SHISA6: variants seen among roughly 807,000 people sequenced by gnomAD.
SHISA6 encodes protein shisa-6.
A neutral mutation model predicts 47.9 loss-of-function variants in SHISA6; 22 were observed. That is an observed-to-expected ratio of 0.46 (90% CI 0.33 to 0.66). The LOEUF is 0.66. Ranked by LOEUF, SHISA6 falls within the 30% of genes least tolerant of loss-of-function variation. The pLI is 0.02. For synonymous variants in SHISA6, 388 were observed against 337.8 expected (o/e 1.15, Z -1.63); for missense variants, 680 against 764.6 (o/e 0.89, Z 1.30).
intron 2 of SHISA6, among the ~76,000 whole-genome samples, chr17:11,315,883 A>G (rs1910494461): frequency 6.6e-6 from 1 of 152,156 alleles, no homozygotes; most frequent in Admixed American, 6.5e-5. Context: ...ATTACAAGAC[A>G]TTTTATCATC....
At chr17:11,474,834 T>C (rs1916016655) in intron 3 of SHISA6, among the ~76,000 whole-genome samples, 1 of 152,188 alleles carries the variant, frequency 6.6e-6, no homozygotes, top group Non-Finnish European at 1.5e-5. Flanking sequence ...CATTTGCTTC[T>C]CCATATTGAC....
At chr17:11,272,705 C>T (rs1908725713) in intron 2 of SHISA6, among the ~76,000 whole-genome samples, 1 of 152,146 alleles carries the variant, frequency 6.6e-6, no homozygotes, top group Non-Finnish European at 1.5e-5. Context: ...TCAAGCTGTC[C>T]AGTAAGTACT....
At chr17:11,427,793 A>G (rs572212879) in intron 3 of SHISA6, among the ~76,000 whole-genome samples, 3 of 152,100 alleles carry the variant, frequency 2.0e-5, no homozygotes, top group Non-Finnish European at 4.4e-5. Flanking sequence ...ATGAATAGAA[A>G]AAAAAAAATT....
At chr17:11,537,292 A>G (rs1158497527) in intron 3 of SHISA6, among the ~76,000 whole-genome samples, 1 of 152,068 alleles carries the variant, frequency 6.6e-6, no homozygotes. Flanking sequence ...AAGAGAGTGG[A>G]CAGAAGCACA....
chr17:11,420,038 TA>T (rs1914407811), intron 3 of SHISA6, among the ~76,000 whole-genome samples: 1 of 152,132 alleles, frequency 6.6e-6, no homozygotes, highest in Non-Finnish European at 1.5e-5. Flanking sequence ...ACTCTGTCTC[TA>T]CTAAAAATAC....
Position 11,440,335 on chromosome 17 carries a change from G to C in SHISA6, c.895+60826G>C, listed in dbSNP as rs74719164. On this transcript the variant is annotated intron_variant, in intron 3 of 5. Transcript: ENST00000441885. ...GACTTTTAGAGTTTCTTGGAGAGTA[G>C]AGGGGATATAAAGGAAGTATAGAGG... is the stretch of plus-strand genomic sequence containing the variant. Among the ~76,000 whole-genome samples the C allele has an allele frequency of 7.8e-3, 1,193 of 152,190 alleles. 21 individuals are homozygous for C. The highest frequency in any genetic ancestry group is 0.025 in the African/African-American group (1,024 of 41,512).
intron 3 of SHISA6, among the ~76,000 whole-genome samples, chr17:11,427,485 C>T (rs1011047806): frequency 1.3e-5 from 2 of 152,110 alleles, no homozygotes; most frequent in African/African-American, 4.8e-5. Flanking sequence ...CACCTTCCAG[C>T]CTAAGCTTTA....
chr17:11,271,109 G>A (rs899724229), intron 2 of SHISA6, among the ~76,000 whole-genome samples: 1 of 152,106 alleles, frequency 6.6e-6, no homozygotes, highest in East Asian at 1.9e-4. Flanking sequence ...GGCGGGAAGG[G>A]TGTGAAACAG....
chr17:11,267,899 G>A lies in SHISA6; in HGVS notation c.799+4373G>A, dbSNP rs1315438270. On this transcript the variant is annotated intron_variant, in intron 2 of 5. Coordinates refer to ENST00000441885, the MANE Select transcript of SHISA6 (RefSeq NM_207386.4). ...AAAAAGATTGTTTAGGGGACCAAGCGAAGTCATGAAGAGATGCACCGTACC... is the reference window on the plus strand; with the variant it reads ...AAAAAGATTGTTTAGGGGACCAAGCAAAGTCATGAAGAGATGCACCGTACC... 5.9e-5 allele frequency among the ~76,000 whole-genome samples: 9 copies of A among 152,152 alleles called. No homozygotes were observed. In the South Asian group the frequency reaches 8.3e-4, roughly 14 times the overall value.
intron 2 of SHISA6, among the ~76,000 whole-genome samples, chr17:11,291,652 A>G (rs1178035430): frequency 4.6e-5 from 7 of 151,908 alleles, no homozygotes; most frequent in Admixed American, 4.6e-4. Flanking sequence ...AACAACAACA[A>G]CAACAACAAA....
At chr17:11,477,218 T>A (rs932653052) in intron 3 of SHISA6, among the ~76,000 whole-genome samples, 1 of 152,142 alleles carries the variant, frequency 6.6e-6, no homozygotes, top group Non-Finnish European at 1.5e-5. Flanking sequence ...ACTCTGAAAA[T>A]CTCTGTCTGT....
At chr17:11,277,381 C>T (rs1302433478) in intron 2 of SHISA6, among the ~76,000 whole-genome samples, 1 of 151,276 alleles carries the variant, frequency 6.6e-6, no homozygotes, top group Non-Finnish European at 1.5e-5. Context: ...TAGCCATGGG[C>T]ATATCTCATC....
intron 3 of SHISA6, among the ~76,000 whole-genome samples, chr17:11,525,409 C>T (rs2142366167): frequency 6.6e-6 from 1 of 151,804 alleles, no homozygotes; most frequent in Non-Finnish European, 1.5e-5. Flanking sequence ...CCAAGGTGGG[C>T]AGACGACAAG....
At chr17:11,391,549 G>A (rs961448970) in intron 3 of SHISA6, among the ~76,000 whole-genome samples, 2 of 152,094 alleles carry the variant, frequency 1.3e-5, no homozygotes, top group African/African-American at 4.8e-5. Context: ...ACAAACTGAT[G>A]TTCAACTCCC....
intron 3 of SHISA6, among the ~76,000 whole-genome samples, chr17:11,419,036 G>T (rs1203332751): frequency 6.6e-6 from 1 of 151,956 alleles, no homozygotes; most frequent in African/African-American, 2.4e-5. Context: ...GACACAGGAA[G>T]GGGAACATCA....
At chr17:11,513,189 CAT>C (rs1491218360) in intron 3 of SHISA6, among the ~76,000 whole-genome samples, 18 of 112,232 alleles carry the variant, frequency 1.6e-4, no homozygotes, top group East Asian at 3.0e-4. Flanking sequence ...TTATTACACA[CAT>C]ATATATGTGT....
intron 2 of SHISA6, among the ~76,000 whole-genome samples, chr17:11,351,137 G>C (rs1041545761): frequency 3.3e-5 from 5 of 151,932 alleles, no homozygotes; most frequent in Non-Finnish European, 7.4e-5. Context: ...ACTGGGGCCT[G>C]TTGGGGGGTG....
At chr17:11,260,733 CT>C (rs1352806240) in intron 1 of SHISA6, among the ~76,000 whole-genome samples, 2 of 151,830 alleles carry the variant, frequency 1.3e-5, no homozygotes, top group Non-Finnish European at 2.9e-5. Context: ...TTCAGACCCC[CT>C]CTCACTCTCC....
At chr17:11,432,514 T>G (rs1337750004) in intron 3 of SHISA6, among the ~76,000 whole-genome samples, 1 of 152,208 alleles carries the variant, frequency 6.6e-6, no homozygotes, top group Admixed American at 6.5e-5. Context: ...AGAGAAAATT[T>G]GATCTGTTAC....
Sources: gnomAD v4.1 joint callset for allele counts (sites outside exome capture counted in the v4.1 genomes callset) on GRCh38, gnomAD v4.1.1 for gene constraint, MANE v1.5 for transcripts, NCBI Gene and HGNC (gene_info 2026-07-23, HGNC 2026-07-21) for gene names.